NELL1: variants seen among roughly 807,000 people sequenced by gnomAD.
The protein encoded by NELL1 is neural EGFL like 1.
In NELL1, 76 loss-of-function variants were observed where a neutral mutation model predicts 107.4. The ratio of observed to expected loss-of-function variants is 0.71; its 90% CI spans 0.59 to 0.86. The LOEUF (loss-of-function observed/expected upper bound fraction) is 0.86. Among genes scored for constraint, NELL1 ranks in the 40% least tolerant of loss-of-function variants. The probability of loss-of-function intolerance (pLI) is 0.00; values close to 1 mark genes in which losing one functional copy is unlikely to be tolerated. For synonymous variants in NELL1, 353 were observed against 341.2 expected (o/e 1.03, Z -0.38); for missense variants, 1,024 against 1,005.5 (o/e 1.02, Z -0.25).
chr11:21,169,106 C>T (rs1182435586), intron 13 of NELL1, among the ~76,000 whole-genome samples: 1 of 151,822 alleles, frequency 6.6e-6, no homozygotes, highest in African/African-American at 2.4e-5. Context: ...ATTCCAAATA[C>T]TGTAAATTAT....
intron 14 of NELL1, among the ~76,000 whole-genome samples, chr11:21,308,212 A>G (rs1849651555): frequency 6.6e-6 from 1 of 152,056 alleles, no homozygotes; most frequent in African/African-American, 2.4e-5. Context: ...TATGCGAAGG[A>G]GGCTATAGTG....
intron 15 of NELL1, among the ~76,000 whole-genome samples, chr11:21,443,620 G>A (rs1853347217): frequency 1.3e-5 from 2 of 151,836 alleles, no homozygotes; most frequent in African/African-American, 4.8e-5. Flanking sequence ...TGGCTGTTGG[G>A]CTCATGCCTG....
At chr11:21,275,867 CT>C (rs1384398924) in intron 14 of NELL1, among the ~76,000 whole-genome samples, 1 of 152,182 alleles carries the variant, frequency 6.6e-6, no homozygotes, top group Non-Finnish European at 1.5e-5. Flanking sequence ...ATCCTAGAAA[CT>C]CTCAATAAAT....
At chr11:21,171,945 A>C (rs1349452590) in intron 13 of NELL1, among the ~76,000 whole-genome samples, 1 of 151,870 alleles carries the variant, frequency 6.6e-6, no homozygotes, top group African/African-American at 2.4e-5. Context: ...TATTCTTCTT[A>C]TGACTTTTGC....
At chr11:21,404,957 C>G (rs930039951) in intron 15 of NELL1, among the ~76,000 whole-genome samples, 3 of 152,010 alleles carry the variant, frequency 2.0e-5, no homozygotes, top group African/African-American at 7.2e-5. Context: ...ATTACCTATT[C>G]TAGGTCCTCC....
At chr11:21,151,700 T>C (rs938865609) in intron 13 of NELL1, among the ~76,000 whole-genome samples, 1 of 152,230 alleles carries the variant, frequency 6.6e-6, no homozygotes, top group Non-Finnish European at 1.5e-5. Context: ...AAGCTCTCAA[T>C]AAAAGTTATT....
intron 12 of NELL1, among the ~76,000 whole-genome samples, chr11:20,992,203 A>G (rs973289374): frequency 1.3e-5 from 2 of 152,150 alleles, no homozygotes; most frequent in African/African-American, 2.4e-5. Context: ...TGTGATCTCA[A>G]TTACTGAATG....
intron 13 of NELL1, among the ~76,000 whole-genome samples, chr11:21,153,952 A>T (rs537421863): frequency 6.6e-6 from 1 of 152,176 alleles, no homozygotes; most frequent in Non-Finnish European, 1.5e-5. Flanking sequence ...TGAGGTTTTT[A>T]AAATCCACTA....
chr11:21,043,386 T>A (rs117477062), intron 12 of NELL1, among the ~76,000 whole-genome samples: 82 of 152,212 alleles, frequency 5.4e-4, no homozygotes, highest in Middle Eastern at 3.4e-3. Context: ...GTAAAGTCCT[T>A]AAGGTTAGAA....
chr11:21,342,174 C>G (rs1372278393), intron 14 of NELL1, among the ~76,000 whole-genome samples: 4 of 152,036 alleles, frequency 2.6e-5, no homozygotes, highest in Admixed American at 1.3e-4. Flanking sequence ...CTGGTTGGAT[C>G]CAGGAAGGAT....
chr11:20,952,958 A>G (rs1851097768), intron 11 of NELL1, among the ~76,000 whole-genome samples: 1 of 152,190 alleles, frequency 6.6e-6, no homozygotes, highest in Admixed American at 6.5e-5. Flanking sequence ...CCTTCTGTCC[A>G]CAAAAGCTTA....
At chr11:21,509,876 A>G (rs893240054) in intron 15 of NELL1, among the ~76,000 whole-genome samples, 1 of 152,232 alleles carries the variant, frequency 6.6e-6, no homozygotes. Context: ...GGTGAGCAAT[A>G]AAGAATTACT....
intron 14 of NELL1, among the ~76,000 whole-genome samples, chr11:21,353,784 A>G (rs1850869336): frequency 6.6e-6 from 1 of 152,214 alleles, no homozygotes; most frequent in African/African-American, 2.4e-5. Context: ...ATGATAATTA[A>G]TAATTCTAAT....
At chr11:20,847,459 C>T in intron 3 of NELL1, 124 bp from the exon 4 acceptor site, 1 of 983,878 alleles carries the variant, frequency 1.0e-6, no homozygotes, top group Non-Finnish European at 1.5e-6. Context: ...GAGGTCTTGG[C>T]TCTTTGTGCC....
intron 5 of NELL1, among the ~76,000 whole-genome samples, chr11:20,895,504 C>CT (rs71063675): frequency 0.031 from 3,086 of 99,936 alleles, 260 homozygotes; most frequent in African/African-American, 0.078. Flanking sequence ...TGATATTTGC[C>CT]TTTTTTTTTT....
intron 14 of NELL1, among the ~76,000 whole-genome samples, chr11:21,338,198 G>T (rs1157319898): frequency 6.6e-6 from 1 of 152,160 alleles, no homozygotes; most frequent in East Asian, 1.9e-4. Context: ...TTCGACAGGT[G>T]TTGTGCTGTG....
At chr11:21,396,326 T>C (rs2133790359) in intron 15 of NELL1, among the ~76,000 whole-genome samples, 1 of 151,592 alleles carries the variant, frequency 6.6e-6, no homozygotes. Context: ...AAATAATATG[T>C]TGAAGCTCAG....
At chr11:21,058,052 A>G (rs909959494) in intron 12 of NELL1, among the ~76,000 whole-genome samples, 8 of 152,242 alleles carry the variant, frequency 5.3e-5, no homozygotes, top group Admixed American at 4.6e-4. Flanking sequence ...AATATAAAAA[A>G]TGTCACTGTG....
Position 21,166,643 on chromosome 11 carries a change from C to CA in NELL1, c.1426+52935dup, listed in dbSNP as rs200841154. Reference sequence around the variant, plus strand: ...AATAAAAAAGAGACTTAGAAGCGCACAAAAAATCTGTCTTTTCTCTAGTAT... The same window carrying CA: ...AATAAAAAAGAGACTTAGAAGCGCACAAAAAAATCTGTCTTTTCTCTAGTAT... On this transcript the variant is annotated intron_variant, in intron 13 of 19. Coordinates refer to ENST00000357134, the MANE Select transcript of NELL1 (RefSeq NM_006157.5). Among the ~76,000 whole-genome samples, 954 of 151,822 alleles carry CA rather than the reference C, an allele frequency of 6.3e-3. 31 individuals carry two copies. The highest frequency in any genetic ancestry group is 0.022 in the African/African-American group (891 of 41,244).
Sources: allele counts gnomAD v4.1 joint callset (sites outside exome capture counted in the v4.1 genomes callset), GRCh38; gene constraint gnomAD v4.1.1; transcripts MANE v1.5; gene names NCBI Gene and HGNC (gene_info 2026-07-23, HGNC 2026-07-21).